ANKRD11: variants seen among roughly 807,000 people sequenced by gnomAD.
ANKRD11 encodes the protein ankyrin repeat domain-containing protein 11.
A neutral mutation model predicts 195.7 loss-of-function variants in ANKRD11; 17 were observed. That is an observed-to-expected ratio of 0.09 (90% CI 0.06 to 0.13). The LOEUF (loss-of-function observed/expected upper bound fraction) is 0.13. Ranked by LOEUF, ANKRD11 falls within the 10% of genes least tolerant of loss-of-function variation. The pLI, the probability that ANKRD11 is intolerant of heterozygous loss-of-function variation, is 1.00. For synonymous variants in ANKRD11, 1,953 were observed against 1,528.1 expected (o/e 1.28, Z -6.49); for missense variants, 3,735 against 3,566.1 (o/e 1.05, Z -1.21).
At chr16:89,479,630 G>GC (rs1201289755) in intron 1 of ANKRD11, among the ~76,000 whole-genome samples, 91 of 70,738 alleles carry the variant, frequency 1.3e-3, no homozygotes, top group African/African-American at 3.3e-3. Flanking sequence ...GCGAAACTCC[G>GC]CCCCCAAAAA....
intron 2 of ANKRD11, among the ~76,000 whole-genome samples, chr16:89,376,529 C>T (rs1007208511): frequency 6.6e-6 from 1 of 152,226 alleles, no homozygotes; most frequent in Non-Finnish European, 1.5e-5. Context: ...CTTCCACCTG[C>T]TGGGTTCAAG....
chr16:89,458,520 G>A (rs563974427), intron 1 of ANKRD11, among the ~76,000 whole-genome samples: 2 of 152,260 alleles, frequency 1.3e-5, no homozygotes, highest in South Asian at 2.1e-4. Flanking sequence ...CACCGTGCCC[G>A]GCCACGTAAT....
At chr16:89,325,642 C>T (rs2037669261) in intron 2 of ANKRD11, among the ~76,000 whole-genome samples, 3 of 152,192 alleles carry the variant, frequency 2.0e-5, no homozygotes, top group Admixed American at 1.3e-4. Flanking sequence ...TTGGAAGGGA[C>T]GGTGAAACGG....
chr16:89,334,144 T>TTAAAAAA (rs1488481148), intron 2 of ANKRD11, among the ~76,000 whole-genome samples: 2 of 41,410 alleles, frequency 4.8e-5, no homozygotes, highest in African/African-American at 1.9e-4. Flanking sequence ...CCCTGTGTTT[T>TTAAAAAA]AAAAAAAAAA....
At chr16:89,346,463 C>A (rs141224246) in intron 2 of ANKRD11, among the ~76,000 whole-genome samples, 1 of 152,190 alleles carries the variant, frequency 6.6e-6, no homozygotes, top group Non-Finnish European at 1.5e-5. Context: ...TCACGCAATC[C>A]ATTTTTCAAG....
intron 4 of ANKRD11, chr16:89,301,744 C>G: frequency 2.5e-6 from 1 of 398,136 alleles, no homozygotes; most frequent in Non-Finnish European, 4.4e-6. Context: ...CTGCTTTAAA[C>G]TGGGCTGATT....
intron 1 of ANKRD11, among the ~76,000 whole-genome samples, chr16:89,453,103 C>T (rs2044157396): frequency 6.6e-6 from 1 of 152,128 alleles, no homozygotes; most frequent in Non-Finnish European, 1.5e-5. Context: ...ACATCTGAAG[C>T]ACATTTCTTT....
chr16:89,432,386 GCCGTGGCAGCCGCCTCCCAGAGC>G (rs1479506845), intron 1 of ANKRD11, among the ~76,000 whole-genome samples: 1 of 151,928 alleles, frequency 6.6e-6, no homozygotes, highest in South Asian at 2.1e-4. Context: ...AGGACCCATC[GCCGTGGCAGCCGCCTCCCAGAGC>G]CCGTGGCATG....
chr16:89,320,566 G>A (rs1022797346), intron 2 of ANKRD11, among the ~76,000 whole-genome samples: 1 of 152,172 alleles, frequency 6.6e-6, no homozygotes, highest in Admixed American at 6.5e-5. Flanking sequence ...ACCTCCTGGC[G>A]GATGGCAACC....
chr16:89,294,819 G>T (rs1210993574), intron 4 of ANKRD11, among the ~76,000 whole-genome samples: 1 of 152,214 alleles, frequency 6.6e-6, no homozygotes, highest in Non-Finnish European at 1.5e-5. Context: ...GGAGCCGTGT[G>T]CCCCTGAGAA....
chr16:89,279,906 C>G lies in ANKRD11; in HGVS notation c.6636G>C (p.Lys2212Asn). The G allele has an allele frequency of 3.7e-6, 6 of 1,609,028 alleles. No individual in the cohort carries two copies. Among genetic ancestry groups the G allele is most frequent in the Non-Finnish European group, 5.1e-6 (6 of 1,179,280 alleles). Residue 2212 changes from lysine to asparagine, a missense_variant, in exon 9 of 13, where the codon AAG (lysine) becomes AAC (asparagine). Transcript: ENST00000301030. The surrounding 1 kb of genome is among the most constrained non-coding windows in gnomAD (Gnocchi z 5.6). ...ELEPEPSGEPKLDVALEAAVE... is the reference protein window; with the variant it reads ...ELEPEPSGEPNLDVALEAAVE... ...CCGCAGCTTCTAGAGCCACGTCCAG[C>G]TTTGGCTCCCCTGAGGGCTCAGGCT...
Position 89,293,907 on chromosome 16 carries a change from G to A in ANKRD11, c.227-2724C>T, listed in dbSNP as rs1003613287. Among the ~76,000 whole-genome samples, 6 of 152,288 alleles carry A rather than the reference G, an allele frequency of 3.9e-5. 1 individual carries two copies. The highest frequency in any genetic ancestry group is 2.0e-4 in the Admixed American group (3 of 15,308). Reference sequence around the variant, plus strand: ...GGCGTTCCTTAGAAGTCAGTCTTTAGGCTGGCAGGCCAGGAGCCCACGCTG... The same window carrying A: ...GGCGTTCCTTAGAAGTCAGTCTTTAAGCTGGCAGGCCAGGAGCCCACGCTG... On this transcript the variant is annotated intron_variant, in intron 4 of 12. Coordinates refer to ENST00000301030, the MANE Select transcript of ANKRD11 (RefSeq NM_013275.6).
At chr16:89,372,247 C>G (rs1236419559) in intron 2 of ANKRD11, among the ~76,000 whole-genome samples, 1 of 152,258 alleles carries the variant, frequency 6.6e-6, no homozygotes, top group Non-Finnish European at 1.5e-5. Context: ...GCCACACGTC[C>G]TCCTGCAGCC....
chr16:89,340,723 G>A (rs141345630), intron 2 of ANKRD11, among the ~76,000 whole-genome samples: 5 of 152,214 alleles, frequency 3.3e-5, no homozygotes, highest in East Asian at 1.9e-4. Flanking sequence ...AAACTCAAGT[G>A]CTAACAGGAG....
intron 11 of ANKRD11, chr16:89,271,724 C>G (rs889052010): frequency 1.3e-5 from 2 of 152,248 alleles, no homozygotes; most frequent in Non-Finnish European, 2.9e-5. Context: ...CCCTAGCTCT[C>G]GCCACATACA....
intron 2 of ANKRD11, among the ~76,000 whole-genome samples, chr16:89,391,214 C>G (rs1214715171): frequency 7.4e-6 from 1 of 134,354 alleles, no homozygotes; most frequent in Non-Finnish European, 1.5e-5. Flanking sequence ...GGCGACAGAG[C>G]GAGACTCTGT....
intron 2 of ANKRD11, among the ~76,000 whole-genome samples, chr16:89,383,495 G>A: frequency 6.6e-6 from 1 of 152,246 alleles, no homozygotes; most frequent in East Asian, 1.9e-4. Flanking sequence ...AAACCTCGGG[G>A]CCATGTCCAG....
At chr16:89,364,903 C>T (rs1056351900) in intron 2 of ANKRD11, among the ~76,000 whole-genome samples, 1 of 152,192 alleles carries the variant, frequency 6.6e-6, no homozygotes, top group Admixed American at 6.5e-5. Flanking sequence ...AAAGCCTCAT[C>T]GAATGCTGAA....
chr16:89,304,567 T>C (rs1487740542), intron 4 of ANKRD11, among the ~76,000 whole-genome samples: 1 of 137,632 alleles, frequency 7.3e-6, no homozygotes, highest in Non-Finnish European at 1.6e-5. Flanking sequence ...GGCACACACA[T>C]ACATGGGTAC....
Sources: allele counts gnomAD v4.1 joint callset (sites outside exome capture counted in the v4.1 genomes callset), GRCh38; gene constraint gnomAD v4.1.1; non-coding constraint Gnocchi (gnomAD v3.1); transcripts MANE v1.5; gene names NCBI Gene and HGNC (gene_info 2026-07-23, HGNC 2026-07-21).